The following CCDC7 variants were observed in gnomAD, a reference collection of about 807,000 sequenced individuals.
CCDC7 encodes the protein coiled-coil domain containing 7.
In CCDC7, 183 loss-of-function variants were observed where a neutral mutation model predicts 196.9. The ratio of observed to expected loss-of-function variants is 0.93; its 90% CI spans 0.82 to 1.05. CCDC7 has a LOEUF of 1.05. CCDC7 is among the 50% of genes least tolerant of loss of function. The pLI, the probability that CCDC7 is intolerant of heterozygous loss-of-function variation, is 0.00. For missense variants in CCDC7, 1,540 were observed against 1,482.2 expected, an observed-to-expected ratio of 1.04 and a Z score of -0.64; for synonymous variants, 525 against 484.6, an observed-to-expected ratio of 1.08 and a Z score of -1.10.
intron 29 of CCDC7, among the ~76,000 whole-genome samples, chr10:32,801,878 C>T (rs1002601949): frequency 1.1e-4 from 17 of 152,276 alleles, no homozygotes; most frequent in Admixed American, 8.5e-4. Flanking sequence ...CTGTTTCCTC[C>T]GCCCAAAAAG....
At chr10:32,454,521 G>A (rs1451910640) in intron 2 of CCDC7, among the ~76,000 whole-genome samples, 6 of 151,394 alleles carry the variant, frequency 4.0e-5, no homozygotes, top group Non-Finnish European at 7.4e-5. Flanking sequence ...TCAGCATCAC[G>A]CAGTATATCC....
At chr10:32,728,332 A>G (rs11009055) in intron 26 of CCDC7, among the ~76,000 whole-genome samples, 16,036 of 152,122 alleles carry the variant, frequency 0.11, 1,040 homozygotes, top group South Asian at 0.25. Flanking sequence ...TAGGCTGTCT[A>G]TCATTGCCTG....
At chr10:32,711,519 A>T in intron 24 of CCDC7, 101 bp from the exon 26 acceptor site, 1 of 679,298 alleles carries the variant, frequency 1.5e-6, no homozygotes, top group South Asian at 1.9e-5. Context: ...ACTTTATAAG[A>T]TGAAAGAAAA....
At chr10:32,787,925 G>A (rs2082117143) in intron 29 of CCDC7, among the ~76,000 whole-genome samples, 1 of 152,056 alleles carries the variant, frequency 6.6e-6, no homozygotes, top group African/African-American at 2.4e-5. Context: ...GGAGCCTTCA[G>A]GCCCATTCTG....
chr10:32,694,327 T>G (rs1270839639), intron 23 of CCDC7, among the ~76,000 whole-genome samples: 4 of 152,222 alleles, frequency 2.6e-5, no homozygotes, highest in Non-Finnish European at 5.9e-5. Flanking sequence ...ATTTAGAAGT[T>G]TGTGATGTTT....
chr10:32,592,254 A>T (rs2059849820), intron 18 of CCDC7, among the ~76,000 whole-genome samples: 1 of 152,062 alleles, frequency 6.6e-6, no homozygotes, highest in Non-Finnish European at 1.5e-5. Context: ...CAATCTAGCT[A>T]AATGTCTCAA....
intron 8 of CCDC7, chr10:32,481,641 G>A (rs2039983910): frequency 6.6e-6 from 1 of 152,038 alleles, no homozygotes; most frequent in South Asian, 2.1e-4. Flanking sequence ...ATATGTATTT[G>A]TGTTACTACT....
intron 21 of CCDC7, among the ~76,000 whole-genome samples, chr10:32,679,797 A>G (rs1156395834): frequency 6.6e-6 from 1 of 152,162 alleles, no homozygotes; most frequent in Non-Finnish European, 1.5e-5. Context: ...GACATTTTCT[A>G]TGTTATGGTT....
intron 12 of CCDC7, among the ~76,000 whole-genome samples, chr10:32,543,908 T>G (rs1392879231): frequency 6.6e-6 from 1 of 152,030 alleles, no homozygotes; most frequent in Non-Finnish European, 1.5e-5. Flanking sequence ...AAGGAAACTA[T>G]GAAGTCAAAC....
At chr10:32,810,328 A>T (rs1215536007) in intron 30 of CCDC7, among the ~76,000 whole-genome samples, 3 of 152,192 alleles carry the variant, frequency 2.0e-5, no homozygotes, top group African/African-American at 7.2e-5. Flanking sequence ...TGGAAAAAAT[A>T]TTCCATGCAA....
At chr10:32,522,667 T>C (rs984498202) in intron 11 of CCDC7, among the ~76,000 whole-genome samples, 2 of 152,180 alleles carry the variant, frequency 1.3e-5, no homozygotes, top group African/African-American at 2.4e-5. Context: ...AATTCATTTA[T>C]GTCTGCTCTG....
intron 9 of CCDC7, among the ~76,000 whole-genome samples, chr10:32,517,193 A>G (rs537690141): frequency 1.1e-4 from 17 of 152,314 alleles, no homozygotes; most frequent in Non-Finnish European, 2.2e-4. Context: ...GATACTTACT[A>G]TTTAGTTCTT....
At chr10:32,769,551 A>T (rs1433390211) in intron 28 of CCDC7, among the ~76,000 whole-genome samples, 2 of 152,168 alleles carry the variant, frequency 1.3e-5, no homozygotes, top group Non-Finnish European at 2.9e-5. Flanking sequence ...TTACGTAGGT[A>T]TACATGTGCC....
intron 21 of CCDC7, among the ~76,000 whole-genome samples, chr10:32,668,363 C>A (rs1352455421): frequency 6.6e-6 from 1 of 152,102 alleles, no homozygotes. Flanking sequence ...CCCTTTATTT[C>A]TTTCTCCTGC....
intron 20 of CCDC7, among the ~76,000 whole-genome samples, chr10:32,659,292 T>G (rs1229815398): frequency 3.3e-5 from 5 of 152,234 alleles, no homozygotes; most frequent in Admixed American, 3.3e-4. Flanking sequence ...ATTGACTCAT[T>G]GGTTATCCAG....
At chr10:32,560,646 T>C (rs1198170765) in intron 13 of CCDC7, among the ~76,000 whole-genome samples, 1 of 152,296 alleles carries the variant, frequency 6.6e-6, no homozygotes, top group Non-Finnish European at 1.5e-5. Context: ...CCACCAGGCC[T>C]GCCCTAAAAG....
chr10:32,872,633 T>C (rs1394640122), intron 41 of CCDC7, among the ~76,000 whole-genome samples: 1 of 152,142 alleles, frequency 6.6e-6, no homozygotes, highest in African/African-American at 2.4e-5. Flanking sequence ...CTTCCTAGCA[T>C]CGATGGTCTT....
intron 18 of CCDC7, among the ~76,000 whole-genome samples, chr10:32,595,610 C>T (rs536970011): frequency 6.6e-6 from 1 of 152,184 alleles, no homozygotes; most frequent in African/African-American, 2.4e-5. Flanking sequence ...GCTCTTGCTT[C>T]TCTAGTTCTT....
intron 1 of CCDC7, among the ~76,000 whole-genome samples, chr10:32,452,736 G>A (rs1018774007): frequency 1.3e-5 from 2 of 152,110 alleles, no homozygotes; most frequent in Admixed American, 1.3e-4. Context: ...GGGATTACAG[G>A]CATGAGCACC....
Sources: allele counts gnomAD v4.1 joint callset (sites outside exome capture counted in the v4.1 genomes callset), GRCh38; gene constraint gnomAD v4.1.1; transcripts MANE v1.5; gene names NCBI Gene and HGNC (gene_info 2026-07-23, HGNC 2026-07-21).